SCAPER: variants seen among roughly 807,000 people sequenced by gnomAD.
The protein encoded by SCAPER is S-phase cyclin A associated protein in the ER, also known as S phase cyclin A-associated protein in the endoplasmic reticulum.
In SCAPER, 98 loss-of-function variants were observed where a neutral mutation model predicts 182.2. The ratio of observed to expected loss-of-function variants is 0.54; its 90% CI spans 0.46 to 0.64. SCAPER has a LOEUF of 0.64. SCAPER is among the 30% of genes least tolerant of loss of function. The pLI is 0.00. For synonymous variants in SCAPER, 605 were observed against 564.6 expected, an observed-to-expected ratio of 1.07 and a Z score of -1.01; for missense variants, 1,432 against 1,690.0, an observed-to-expected ratio of 0.85 and a Z score of 2.68.
At chr15:76,493,503 T>C (rs2052534697) in intron 24 of SCAPER, among the ~76,000 whole-genome samples, 1 of 152,216 alleles carries the variant, frequency 6.6e-6, no homozygotes. Flanking sequence ...AATTAGCCTC[T>C]GACTGAGAAA....
chr15:76,510,865 G>A (rs915957792), intron 23 of SCAPER, among the ~76,000 whole-genome samples: 1 of 37,940 alleles, frequency 2.6e-5, no homozygotes, highest in Non-Finnish European at 4.6e-5. Context: ...TGGTGCGCGC[G>A]TGTGTGTGTG....
At chr15:76,382,305 A>G (rs1185430451) in intron 27 of SCAPER, among the ~76,000 whole-genome samples, 1 of 152,144 alleles carries the variant, frequency 6.6e-6, no homozygotes, top group Non-Finnish European at 1.5e-5. Flanking sequence ...ATAGTAAAGC[A>G]GCAGGGGTAT....
intron 22 of SCAPER, among the ~76,000 whole-genome samples, chr15:76,612,497 G>C (rs746764147): frequency 6.6e-6 from 1 of 152,118 alleles, no homozygotes; most frequent in Non-Finnish European, 1.5e-5. Context: ...TGTCCTACCA[G>C]AGTGTTGTGA....
intron 7 of SCAPER, among the ~76,000 whole-genome samples, chr15:76,795,713 T>A (rs930140649): frequency 6.6e-6 from 1 of 152,180 alleles, no homozygotes; most frequent in African/African-American, 2.4e-5. Context: ...AGGAAGCTTT[T>A]AAAAAATTAT....
intron 22 of SCAPER, among the ~76,000 whole-genome samples, chr15:76,582,212 A>G (rs2048321170): frequency 6.6e-6 from 1 of 152,228 alleles, no homozygotes. Context: ...GAAAACCTAA[A>G]GACTCCACCA....
At chr15:76,514,416 A>G (rs989462474) in intron 23 of SCAPER, among the ~76,000 whole-genome samples, 1 of 152,230 alleles carries the variant, frequency 6.6e-6, no homozygotes, top group Admixed American at 6.5e-5. Context: ...TTACACAGTC[A>G]GGGAATCCAT....
intron 24 of SCAPER, among the ~76,000 whole-genome samples, chr15:76,476,030 C>T (rs1039584630): frequency 6.6e-6 from 1 of 152,108 alleles, no homozygotes; most frequent in African/African-American, 2.4e-5. Context: ...GCCTTTTATT[C>T]TCCCCTACAC....
chr15:76,441,506 T>A (rs1197033134), intron 25 of SCAPER, among the ~76,000 whole-genome samples: 1 of 152,182 alleles, frequency 6.6e-6, no homozygotes, highest in East Asian at 1.9e-4. Context: ...CCAAACCTCA[T>A]GATGCCCAAG....
At chr15:76,591,946 G>C (rs1210601567) in intron 22 of SCAPER, among the ~76,000 whole-genome samples, 1 of 152,114 alleles carries the variant, frequency 6.6e-6, no homozygotes, top group Non-Finnish European at 1.5e-5. Flanking sequence ...TGTAGTCCCA[G>C]CTACTTGGGG....
chr15:76,352,097 C>T (rs1204130197), intron 30 of SCAPER, among the ~76,000 whole-genome samples: 3 of 152,182 alleles, frequency 2.0e-5, no homozygotes, highest in Non-Finnish European at 1.5e-5. Context: ...TAAGCTGATA[C>T]AGATGTGAAA....
At chr15:76,604,957 T>A (rs2050246803) in intron 22 of SCAPER, among the ~76,000 whole-genome samples, 1 of 152,156 alleles carries the variant, frequency 6.6e-6, no homozygotes, top group African/African-American at 2.4e-5. Context: ...AAATATACAA[T>A]CATGTCATCT....
chr15:76,882,415 G>A (rs928231098), intron 2 of SCAPER, among the ~76,000 whole-genome samples: 10 of 150,664 alleles, frequency 6.6e-5, no homozygotes, highest in Non-Finnish European at 1.3e-4. Context: ...AAGATATTAA[G>A]AGAAAAAAAA....
chr15:76,556,228 C>T (rs1046022722), intron 23 of SCAPER, among the ~76,000 whole-genome samples: 2 of 152,072 alleles, frequency 1.3e-5, no homozygotes, highest in African/African-American at 2.4e-5. Flanking sequence ...CTAATGAGAA[C>T]AAAGATACAA....
chr15:76,521,400 A>AG (rs2042824084), intron 23 of SCAPER, among the ~76,000 whole-genome samples: 1 of 150,030 alleles, frequency 6.7e-6, no homozygotes, highest in Admixed American at 6.7e-5. Context: ...AGAAAAAAAA[A>AG]CCCCAAATAA....
At chr15:76,588,632 T>A (rs1311821516) in intron 22 of SCAPER, among the ~76,000 whole-genome samples, 4 of 152,208 alleles carry the variant, frequency 2.6e-5, no homozygotes, top group African/African-American at 9.6e-5. Flanking sequence ...ATCCCATTTG[T>A]TGTGCTGTTG....
chr15:76,461,528 T>C (rs1251692099), intron 25 of SCAPER, among the ~76,000 whole-genome samples: 1 of 152,112 alleles, frequency 6.6e-6, no homozygotes, highest in African/African-American at 2.4e-5. Context: ...TATTAATTCA[T>C]ATAGTAAGTT....
intron 14 of SCAPER, among the ~76,000 whole-genome samples, chr15:76,756,556 G>A (rs963469545): frequency 6.6e-6 from 1 of 152,088 alleles, no homozygotes; most frequent in Non-Finnish European, 1.5e-5. Context: ...CATGCTGGGA[G>A]ACAGAGCAAG....
At chr15:76,814,372 A>G (rs1390094539) in intron 5 of SCAPER, among the ~76,000 whole-genome samples, 1 of 152,232 alleles carries the variant, frequency 6.6e-6, no homozygotes, top group South Asian at 2.1e-4. Flanking sequence ...CTACAAATCA[A>G]CAGTAATCTA....
At position 76,626,697 on chromosome 15, in the gene SCAPER, A is replaced by G. The variant is rs184921582; in HGVS notation, c.2646-4868T>C. Among the ~76,000 whole-genome samples the G allele has an allele frequency of 3.9e-5, 6 of 152,382 alleles. No individual in the cohort carries two copies. In the East Asian group the frequency reaches 1.2e-3, roughly 29 times the overall value. On this transcript the variant is annotated intron_variant, in intron 21 of 31. Coordinates refer to ENST00000563290, the MANE Select transcript of SCAPER (RefSeq NM_020843.4). ...ACACCACTGCACTCCAGCCTGGATG[A>G]CAGAGAGAGATTCTGTCTCAAACAA...
Sources: allele counts gnomAD v4.1 joint callset (sites outside exome capture counted in the v4.1 genomes callset), GRCh38; gene constraint gnomAD v4.1.1; transcripts MANE v1.5; gene names NCBI Gene and HGNC (gene_info 2026-07-23, HGNC 2026-07-21).